The following UMAD1 variants were observed in gnomAD, a reference collection of about 807,000 sequenced individuals.
The protein encoded by UMAD1 is UBAP1-MVB12-associated (UMA) domain containing 1, also known as UBAP1-MVB12-associated (UMA)-domain containing protein 1.
A neutral mutation model predicts 6.1 loss-of-function variants in UMAD1; 8 were observed. The ratio of observed to expected loss-of-function variants is 1.30; its 90% CI spans 0.76 to 2.35. The LOEUF (loss-of-function observed/expected upper bound fraction) is 2.35. Ranked by LOEUF, UMAD1 falls within the 30% of genes most tolerant of loss-of-function variation. The probability of loss-of-function intolerance (pLI) is 0.00; values close to 1 mark genes in which losing one functional copy is unlikely to be tolerated. For missense variants in UMAD1, 130 were observed against 78.4 expected, an observed-to-expected ratio of 1.66 and a Z score of -2.49; for synonymous variants, 56 against 31.4, an observed-to-expected ratio of 1.78 and a Z score of -2.61.
At chr7:7,682,724 G>A (rs1779944230) in intron 2 of UMAD1, among the ~76,000 whole-genome samples, 1 of 152,138 alleles carries the variant, frequency 6.6e-6, no homozygotes, top group Non-Finnish European at 1.5e-5. Flanking sequence ...CCCTATCGCT[G>A]TCTCCTTACC....
chr7:7,710,069 CCT>C (rs1780714528), intron 2 of UMAD1, among the ~76,000 whole-genome samples: 1 of 152,078 alleles, frequency 6.6e-6, no homozygotes, highest in African/African-American at 2.4e-5. Flanking sequence ...CAGCAATTTG[CCT>C]CTCTCACTCA....
At chr7:7,848,462 T>G (rs1337488078) in intron 3 of UMAD1, among the ~76,000 whole-genome samples, 1 of 152,174 alleles carries the variant, frequency 6.6e-6, no homozygotes, top group Non-Finnish European at 1.5e-5. Context: ...GTTCACAGTT[T>G]GGTTAAAATT....
chr7:7,785,675 G>C (rs1375803596), intron 2 of UMAD1, among the ~76,000 whole-genome samples: 5 of 152,224 alleles, frequency 3.3e-5, no homozygotes, highest in Non-Finnish European at 5.9e-5. Flanking sequence ...CTAAACTTGA[G>C]TAGAGTCAGT....
intron 2 of UMAD1, among the ~76,000 whole-genome samples, chr7:7,725,194 A>T (rs934291671): frequency 2.0e-5 from 3 of 152,182 alleles, no homozygotes; most frequent in Non-Finnish European, 2.9e-5. Flanking sequence ...GGTACAACAC[A>T]TGGTGGGCCT....
At chr7:7,815,275 C>T (rs1394696702) in intron 3 of UMAD1, among the ~76,000 whole-genome samples, 1 of 151,904 alleles carries the variant, frequency 6.6e-6, no homozygotes, top group Non-Finnish European at 1.5e-5. Context: ...TTTGGTGAGT[C>T]AATATGTAAT....
intron 2 of UMAD1, among the ~76,000 whole-genome samples, chr7:7,681,505 G>A (rs568852828): frequency 2.0e-5 from 3 of 152,158 alleles, no homozygotes; most frequent in East Asian, 1.9e-4. Context: ...TAGTGGTGCC[G>A]AATAAGAATA....
intron 2 of UMAD1, among the ~76,000 whole-genome samples, chr7:7,734,592 A>G (rs1391988819): frequency 6.6e-6 from 1 of 152,192 alleles, no homozygotes; most frequent in Non-Finnish European, 1.5e-5. Flanking sequence ...ATTTTACTGT[A>G]CATTTGAAGT....
chr7:7,804,958 G>A (rs1489156796), intron 3 of UMAD1, among the ~76,000 whole-genome samples: 1 of 150,860 alleles, frequency 6.6e-6, no homozygotes, highest in Admixed American at 6.6e-5. Flanking sequence ...TCCAGCCTGG[G>A]CGACAGAGCG....
chr7:7,798,950 G>T (rs1782742686), intron 2 of UMAD1, among the ~76,000 whole-genome samples: 1 of 152,102 alleles, frequency 6.6e-6, no homozygotes, highest in Admixed American at 6.5e-5. Context: ...GAAATTGTCA[G>T]TGTTTTTGTT....
intron 2 of UMAD1, among the ~76,000 whole-genome samples, chr7:7,756,940 C>A (rs1442908194): frequency 6.6e-6 from 1 of 152,142 alleles, no homozygotes; most frequent in Non-Finnish European, 1.5e-5. Flanking sequence ...GTGTGTGGTA[C>A]CTGCTTGCCT....
At chr7:7,724,066 G>C (rs1028092100) in intron 2 of UMAD1, among the ~76,000 whole-genome samples, 1 of 152,134 alleles carries the variant, frequency 6.6e-6, no homozygotes, top group Non-Finnish European at 1.5e-5. Context: ...GGGTCCCCTT[G>C]AGGAAGGATC....
chr7:7,780,163 C>G (rs1782314997), intron 2 of UMAD1, among the ~76,000 whole-genome samples: 1 of 152,202 alleles, frequency 6.6e-6, no homozygotes, highest in Admixed American at 6.5e-5. Flanking sequence ...TTCCAGTGTT[C>G]CTGTCTTAAC....
intron 3 of UMAD1, among the ~76,000 whole-genome samples, chr7:7,864,783 C>A (rs1028571748): frequency 6.6e-6 from 1 of 151,984 alleles, no homozygotes; most frequent in Admixed American, 6.6e-5. Flanking sequence ...GAATGAAGGA[C>A]CATTTGCCAG....
At chr7:7,828,951 G>A (rs1038792709) in intron 3 of UMAD1, among the ~76,000 whole-genome samples, 5 of 152,150 alleles carry the variant, frequency 3.3e-5, no homozygotes, top group African/African-American at 1.2e-4. Context: ...AATTAAGGTA[G>A]ATAAAAATCA....
chr7:7,851,257 T>G (rs943738845), intron 3 of UMAD1, among the ~76,000 whole-genome samples: 1 of 152,202 alleles, frequency 6.6e-6, no homozygotes, highest in Admixed American at 6.5e-5. Context: ...TTTATTGTTG[T>G]ATAATATTCC....
At chr7:7,810,615 G>C (rs1228838532) in intron 3 of UMAD1, among the ~76,000 whole-genome samples, 1 of 152,156 alleles carries the variant, frequency 6.6e-6, no homozygotes, top group Admixed American at 6.6e-5. Flanking sequence ...AAGAGTACTT[G>C]CATTTGGGAT....
In UMAD1 at chr7:7,824,831, C is replaced by T. The variant is rs148913190; in HGVS notation, c.156+23088C>T. On this transcript the variant is annotated intron_variant, in intron 3 of 3. Coordinates refer to ENST00000682710, the MANE Select transcript of UMAD1 (RefSeq NM_001302348.2). ...TGTTAAACTGGTCCTGTGTATTAGC[C>T]GCTCACTTACCACCATTTGTCTCTC... is the stretch of plus-strand genomic sequence containing the variant. Among the ~76,000 whole-genome samples, 158 of 152,190 alleles carry T rather than the reference C, an allele frequency of 1.0e-3. 2 individuals carry two copies. The highest frequency in any genetic ancestry group is 3.6e-3 in the African/African-American group (150 of 41,530).
chr7:7,867,037 T>C (rs906672918), intron 3 of UMAD1, among the ~76,000 whole-genome samples: 2 of 152,126 alleles, frequency 1.3e-5, no homozygotes, highest in Admixed American at 6.5e-5. Flanking sequence ...GAGGGAAACG[T>C]CAAAGATGAT....
chr7:7,861,812 A>G (rs1206198863), intron 3 of UMAD1, among the ~76,000 whole-genome samples: 1 of 152,330 alleles, frequency 6.6e-6, no homozygotes, highest in African/African-American at 2.4e-5. Flanking sequence ...ATGTTTATAC[A>G]TAGGGTGAAC....
Sources: allele counts gnomAD v4.1 joint callset (sites outside exome capture counted in the v4.1 genomes callset), GRCh38; gene constraint gnomAD v4.1.1; transcripts MANE v1.5; gene names NCBI Gene and HGNC (gene_info 2026-07-23, HGNC 2026-07-21).